Variants in CACNA1C observed in about 807,000 individuals in gnomAD.
The protein encoded by CACNA1C is calcium voltage-gated channel subunit alpha1 C.
In CACNA1C, 30 loss-of-function variants were observed where a neutral mutation model predicts 229.0. The ratio of observed to expected loss-of-function variants is 0.13; its 90% CI spans 0.10 to 0.18. CACNA1C has a LOEUF of 0.18. Among genes scored for constraint, CACNA1C ranks in the 10% least tolerant of loss-of-function variants. CACNA1C has a pLI of 1.00. For missense variants in CACNA1C, 1,658 were observed against 2,845.0 expected (o/e 0.58, Z 9.49); for synonymous variants, 1,114 against 1,132.5 (o/e 0.98, Z 0.33).
At chr12:2,003,512 C>T (rs1050806698) in intron 1 of CACNA1C, among the ~76,000 whole-genome samples, 5 of 152,174 alleles carry the variant, frequency 3.3e-5, no homozygotes, top group African/African-American at 1.2e-4. Flanking sequence ...TACAAAATTA[C>T]AAGCAGCAAT....
chr12:1,981,784 G>A (rs754141327), intron 1 of CACNA1C, among the ~76,000 whole-genome samples: 2 of 152,188 alleles, frequency 1.3e-5, no homozygotes, highest in Admixed American at 6.5e-5. Flanking sequence ...AAAACATCCA[G>A]GGAGGTAAAG....
chr12:2,304,711 C>A (rs1051080441), intron 3 of CACNA1C, among the ~76,000 whole-genome samples: 1 of 152,188 alleles, frequency 6.6e-6, no homozygotes, highest in Admixed American at 6.5e-5. Flanking sequence ...AGGGCCAGCC[C>A]TCTGCACCAC....
intron 1 of CACNA1C, among the ~76,000 whole-genome samples, chr12:2,044,602 A>T (rs980447115): frequency 6.6e-6 from 1 of 152,208 alleles, no homozygotes; most frequent in Non-Finnish European, 1.5e-5. Flanking sequence ...AATTATTCCT[A>T]TCAGTGTTAT....
chr12:2,499,691 C>T (rs1436191226), intron 7 of CACNA1C, among the ~76,000 whole-genome samples: 1 of 152,146 alleles, frequency 6.6e-6, no homozygotes, highest in Non-Finnish European at 1.5e-5. Flanking sequence ...AGGCTACAGA[C>T]AATGAGCTGA....
intron 34 of CACNA1C, among the ~76,000 whole-genome samples, chr12:2,657,649 A>G (rs7967085): frequency 0.027 from 4,134 of 152,292 alleles, 210 homozygotes; most frequent in African/African-American, 0.095. Context: ...TAATTGCTAA[A>G]CTTATTGAGG....
At chr12:2,197,009 A>T (rs1187412875) in intron 3 of CACNA1C, among the ~76,000 whole-genome samples, 3 of 152,172 alleles carry the variant, frequency 2.0e-5, no homozygotes, top group African/African-American at 7.2e-5. Context: ...TTGCTCAGAA[A>T]AGGTGGGCTG....
chr12:2,560,288 T>G (rs1472219486), intron 11 of CACNA1C, among the ~76,000 whole-genome samples: 6 of 152,236 alleles, frequency 3.9e-5, no homozygotes. Context: ...TCAAGTTAGG[T>G]GAAACAGTTT....
At chr12:2,140,831 A>G (rs1477964597) in intron 3 of CACNA1C, among the ~76,000 whole-genome samples, 1 of 151,444 alleles carries the variant, frequency 6.6e-6, no homozygotes, top group African/African-American at 2.4e-5. Context: ...CAGGTTTGAT[A>G]AGAGCTTACG....
At chr12:2,562,666 C>T (rs946597716) in intron 11 of CACNA1C, among the ~76,000 whole-genome samples, 5 of 152,190 alleles carry the variant, frequency 3.3e-5, no homozygotes, top group East Asian at 1.9e-4. Context: ...CATCCTCCCT[C>T]GGATCCAGGG....
intron 3 of CACNA1C, among the ~76,000 whole-genome samples, chr12:2,276,307 C>T (rs891039556): frequency 2.6e-5 from 4 of 152,182 alleles, no homozygotes; most frequent in Non-Finnish European, 4.4e-5. Context: ...GACAGCTGTC[C>T]ATGTGCTGGA....
At chr12:2,151,347 T>C (rs1009116454) in intron 3 of CACNA1C, among the ~76,000 whole-genome samples, 9 of 146,526 alleles carry the variant, frequency 6.1e-5, no homozygotes, top group African/African-American at 2.3e-4. Context: ...TACCACTGGC[T>C]GACCAGTGGT....
chr12:2,623,929 C>T (rs1283656227), intron 29 of CACNA1C, among the ~76,000 whole-genome samples: 4 of 152,182 alleles, frequency 2.6e-5, no homozygotes, highest in South Asian at 2.1e-4. Flanking sequence ...ACAGTGGCTC[C>T]GGAGCCGCCA....
chr12:2,163,867 C>G (rs570075387), intron 3 of CACNA1C, among the ~76,000 whole-genome samples: 12 of 152,192 alleles, frequency 7.9e-5, no homozygotes, highest in South Asian at 2.1e-4. Flanking sequence ...CACCTGCATC[C>G]GAGGCTGGCT....
intron 3 of CACNA1C, among the ~76,000 whole-genome samples, chr12:2,364,489 A>G (rs1416197790): frequency 6.6e-6 from 1 of 152,134 alleles, no homozygotes; most frequent in African/African-American, 2.4e-5. Flanking sequence ...AGAGAGAGGA[A>G]CTTAAGTTAT....
intron 1 of CACNA1C, among the ~76,000 whole-genome samples, chr12:2,043,568 A>G (rs2050520169): frequency 6.6e-6 from 1 of 151,264 alleles, no homozygotes; most frequent in Non-Finnish European, 1.5e-5. Context: ...CTAGTCCAAT[A>G]GTTGTGTCCA....
chr12:2,069,778 A>G (rs2060555365), intron 1 of CACNA1C, among the ~76,000 whole-genome samples: 1 of 152,170 alleles, frequency 6.6e-6, no homozygotes. Context: ...TATTGGCTGC[A>G]TTGGGACATT....
chr12:2,212,773 T>C (rs892909056), intron 3 of CACNA1C, among the ~76,000 whole-genome samples: 1 of 152,142 alleles, frequency 6.6e-6, no homozygotes, highest in East Asian at 1.9e-4. Context: ...GCTGCGGTCA[T>C]GAGGGTGACT....
chr12:2,449,244 G>A (rs2099329798), intron 4 of CACNA1C, 129 bp downstream of exon 4: 2 of 603,516 alleles, frequency 3.3e-6, no homozygotes, highest in South Asian at 4.6e-5. Flanking sequence ...TCTAGAGTGA[G>A]AAAAATGAGA....
chr12:2,187,421 G>T (rs1386948907), intron 3 of CACNA1C, among the ~76,000 whole-genome samples: 1 of 152,230 alleles, frequency 6.6e-6, no homozygotes, highest in Admixed American at 6.5e-5. Flanking sequence ...AGGAACTGAG[G>T]TGGGGCGGTG....
Sources: allele counts gnomAD v4.1 joint callset (sites outside exome capture counted in the v4.1 genomes callset), GRCh38; gene constraint gnomAD v4.1.1; transcripts MANE v1.5; gene names NCBI Gene and HGNC (gene_info 2026-07-23, HGNC 2026-07-21).